The following ERG variants were observed in gnomAD, a reference collection of about 807,000 sequenced individuals.
The protein encoded by ERG is ETS transcription factor ERG.
In ERG, 9 loss-of-function variants were observed where a neutral mutation model predicts 55.3. That is an observed-to-expected ratio of 0.16 (90% CI 0.10 to 0.28). The LOEUF (loss-of-function observed/expected upper bound fraction) is 0.28, where lower values mean the gene tolerates loss of function less well. ERG is among the 10% of genes least tolerant of loss of function. The probability of loss-of-function intolerance (pLI) is 1.00; values close to 1 mark genes in which losing one functional copy is unlikely to be tolerated. For missense variants in ERG, 434 were observed against 631.6 expected (o/e 0.69, Z 3.35); for synonymous variants, 223 against 237.3 (o/e 0.94, Z 0.55).
chr21:38,509,826 G>C (rs983011110), intron 2 of ERG, among the ~76,000 whole-genome samples: 2 of 152,218 alleles, frequency 1.3e-5, no homozygotes, highest in African/African-American at 2.4e-5. Flanking sequence ...TTACTAAAGA[G>C]AAAAGCTCTA....
chr21:38,489,773 C>T (rs1384750317), intron 1 of ERG, among the ~76,000 whole-genome samples: 1 of 152,226 alleles, frequency 6.6e-6, no homozygotes, highest in Non-Finnish European at 1.5e-5. Flanking sequence ...AAACCTGCAC[C>T]GTCCCAGATT....
At chr21:38,557,789 T>G (rs1397308050) in intron 2 of ERG, among the ~76,000 whole-genome samples, 3 of 152,124 alleles carry the variant, frequency 2.0e-5, no homozygotes, top group Non-Finnish European at 4.4e-5. Context: ...GGGTATGACT[T>G]TGGGGGCATC....
chr21:38,661,413 G>A (rs963240717), intron 1 of ERG, among the ~76,000 whole-genome samples: 1 of 152,190 alleles, frequency 6.6e-6, no homozygotes, highest in Non-Finnish European at 1.5e-5. Context: ...CGCGGTGCCC[G>A]GGACCTCGGT....
intron 1 of ERG, among the ~76,000 whole-genome samples, chr21:38,641,924 T>C (rs928017798): frequency 5.3e-5 from 8 of 152,212 alleles, no homozygotes; most frequent in African/African-American, 1.9e-4. Context: ...CAAGACAGCC[T>C]GATTCAATTG....
Position 38,423,380 on chromosome 21 carries a change from C to T in ERG, c.388+30G>A, listed in dbSNP as rs753720571. ...CTAGCCTTGGGGAAGTTGCGATCTGCCGAGGGCAGTGAAGCTGTGGGCACC... is the reference window on the plus strand; with the variant it reads ...CTAGCCTTGGGGAAGTTGCGATCTGTCGAGGGCAGTGAAGCTGTGGGCACC... On this transcript the variant is annotated intron_variant, in intron 3 of 9. Coordinates refer to ENST00000288319, the MANE Select transcript of ERG (RefSeq NM_182918.4). 1.9e-6 allele frequency: 3 copies of T among 1,598,632 alleles called. No individual in the cohort carries two copies. In the East Asian group the frequency reaches 6.7e-5, roughly 36 times the overall value.
chr21:38,653,721 A>C (rs560353717), intron 1 of ERG, among the ~76,000 whole-genome samples: 1 of 152,302 alleles, frequency 6.6e-6, no homozygotes, highest in African/African-American at 2.4e-5. Context: ...CTAAATTTGC[A>C]GTTGTTCGTC....
At chr21:38,466,134 T>G (rs2836423) in intron 1 of ERG, among the ~76,000 whole-genome samples, 8 of 152,192 alleles carry the variant, frequency 5.3e-5, no homozygotes, top group African/African-American at 1.9e-4. Context: ...GAGACTTTAA[T>G]GTTATATTGA....
Position 38,431,933 on chromosome 21 carries a change from G to A in ERG, c.237-8372C>T, listed in dbSNP as rs559264074. Among the ~76,000 whole-genome samples the A allele has an allele frequency of 8.3e-4, 126 of 152,260 alleles. 1 individual carries two copies. Among genetic ancestry groups the A allele is most frequent in the Non-Finnish European group, 1.4e-3 (93 of 68,022 alleles). On this transcript the variant is annotated intron_variant, in intron 2 of 9. Transcript: ENST00000288319. ...GAGGATGAGAGACGGCATGTCCCCA[G>A]CCTCTCCTCCTTACTGGCTGCCATT...
At chr21:38,407,957 T>C (rs183349929) in intron 3 of ERG, among the ~76,000 whole-genome samples, 156 of 150,640 alleles carry the variant, frequency 1.0e-3, no homozygotes, top group Middle Eastern at 3.5e-3. Flanking sequence ...GAAAGTATTT[T>C]TATAAAATTG....
At chr21:38,489,645 GAA>G (rs1272105996) in intron 1 of ERG, among the ~76,000 whole-genome samples, 1 of 152,232 alleles carries the variant, frequency 6.6e-6, no homozygotes, top group Non-Finnish European at 1.5e-5. Flanking sequence ...AAGACAAAGT[GAA>G]AAGTTAGAAC....
At chr21:38,639,907 G>A (rs1369528540) in intron 1 of ERG, among the ~76,000 whole-genome samples, 1 of 152,192 alleles carries the variant, frequency 6.6e-6, no homozygotes, top group Admixed American at 6.5e-5. Flanking sequence ...ATCCTAGGGT[G>A]CCAGAGGGCA....
intron 2 of ERG, among the ~76,000 whole-genome samples, chr21:38,569,735 T>C (rs1216787331): frequency 6.6e-6 from 1 of 152,186 alleles, no homozygotes; most frequent in Non-Finnish European, 1.5e-5. Flanking sequence ...ATTCCAATGC[T>C]GAGTTATGTG....
intron 2 of ERG, among the ~76,000 whole-genome samples, chr21:38,503,611 C>G (rs1449614104): frequency 6.6e-6 from 1 of 152,112 alleles, no homozygotes; most frequent in Non-Finnish European, 1.5e-5. Flanking sequence ...GGGAGCGACC[C>G]ATGAAACGCA....
intron 2 of ERG, among the ~76,000 whole-genome samples, chr21:38,536,240 A>G (rs1329303145): frequency 5.3e-5 from 8 of 152,098 alleles, no homozygotes; most frequent in Non-Finnish European, 8.8e-5. Context: ...GGGCTTTGGA[A>G]GCCCACCAGA....
intron 2 of ERG, among the ~76,000 whole-genome samples, chr21:38,565,487 A>G (rs749124985): frequency 8.6e-5 from 13 of 151,990 alleles, no homozygotes; most frequent in Non-Finnish European, 1.8e-4. Flanking sequence ...CATGCCTCCA[A>G]CTCACATCCT....
intron 2 of ERG, among the ~76,000 whole-genome samples, chr21:38,568,874 AC>A (rs1423209562): frequency 8.5e-5 from 13 of 152,142 alleles, no homozygotes; most frequent in Non-Finnish European, 1.6e-4. Context: ...TGCCTGCTTC[AC>A]CTGGAAGAGA....
At chr21:38,578,663 C>G (rs3827208) in intron 1 of ERG, among the ~76,000 whole-genome samples, 63,514 of 151,866 alleles carry the variant, frequency 0.42, 15,849 homozygotes, top group Non-Finnish European at 0.56. Flanking sequence ...CCAATCACCC[C>G]ACCAAGACTA....
intron 2 of ERG, among the ~76,000 whole-genome samples, chr21:38,549,695 A>C (rs935618751): frequency 6.6e-6 from 1 of 152,162 alleles, no homozygotes; most frequent in African/African-American, 2.4e-5. Flanking sequence ...AAAAAACAGC[A>C]GTAATACAGA....
At chr21:38,605,227 T>C (rs2060189512) in intron 1 of ERG, among the ~76,000 whole-genome samples, 1 of 152,192 alleles carries the variant, frequency 6.6e-6, no homozygotes, top group Non-Finnish European at 1.5e-5. Flanking sequence ...AAAAATGTGA[T>C]CTTGGAGTGG....
Sources: gnomAD v4.1 joint callset for allele counts (sites outside exome capture counted in the v4.1 genomes callset) on GRCh38, gnomAD v4.1.1 for gene constraint, MANE v1.5 for transcripts, NCBI Gene and HGNC (gene_info 2026-07-23, HGNC 2026-07-21) for gene names.